The following CDKAL1 variants were observed in gnomAD, a reference collection of about 807,000 sequenced individuals.
CDKAL1 encodes the protein CDKAL1 threonylcarbamoyladenosine tRNA methylthiotransferase.
In CDKAL1, 32 loss-of-function variants were observed where a neutral mutation model predicts 68.2. That is an observed-to-expected ratio of 0.47 (90% CI 0.35 to 0.63). CDKAL1 has a LOEUF of 0.63. Among genes scored for constraint, CDKAL1 ranks in the 30% least tolerant of loss-of-function variants. The probability of loss-of-function intolerance (pLI) is 0.00; values close to 1 mark genes in which losing one functional copy is unlikely to be tolerated. For synonymous variants in CDKAL1, 234 were observed against 244.3 expected (o/e 0.96, Z 0.39); for missense variants, 606 against 696.7 (o/e 0.87, Z 1.47).
intron 13 of CDKAL1, among the ~76,000 whole-genome samples, chr6:21,175,750 A>G (rs1777549846): frequency 6.6e-6 from 1 of 152,202 alleles, no homozygotes; most frequent in Non-Finnish European, 1.5e-5. Flanking sequence ...TTTGACTTTT[A>G]TCTCCTAAAG....
intron 12 of CDKAL1, among the ~76,000 whole-genome samples, chr6:21,067,472 C>T (rs188063652): frequency 5.3e-5 from 8 of 152,032 alleles, no homozygotes; most frequent in South Asian, 4.2e-4. Flanking sequence ...ATTAGCCGGG[C>T]GTGGTGGTGG....
intron 8 of CDKAL1, among the ~76,000 whole-genome samples, chr6:20,819,868 A>T (rs1777202722): frequency 1.3e-5 from 2 of 152,134 alleles, no homozygotes; most frequent in African/African-American, 4.8e-5. Context: ...ATATTTAAGA[A>T]ATACATTGTG....
At chr6:21,069,220 C>T (rs1173996425) in intron 12 of CDKAL1, among the ~76,000 whole-genome samples, 6 of 152,124 alleles carry the variant, frequency 3.9e-5, no homozygotes, top group African/African-American at 1.4e-4. Context: ...AATTGGGCAT[C>T]TTTCTCTTCT....
chr6:20,645,679 C>G (rs889287687), intron 4 of CDKAL1, among the ~76,000 whole-genome samples: 4 of 151,236 alleles, frequency 2.6e-5, no homozygotes, highest in African/African-American at 9.7e-5. Flanking sequence ...TGCAGTGAGC[C>G]GAGATTGCGC....
chr6:20,722,370 C>T lies in CDKAL1; in HGVS notation c.372-17149C>T, dbSNP rs187327445. On this transcript the variant is annotated intron_variant, in intron 5 of 15. Coordinates refer to ENST00000274695, the MANE Select transcript of CDKAL1 (RefSeq NM_017774.3). ...GGCTCTTTCTCTTCTTTTCTCCTCC[C>T]GGTTCAAAATGCTTGCTTCTCTTAA... 2.1e-4 allele frequency: 46 copies of T among 217,418 alleles called. No homozygotes were observed. The East Asian group carries it at 3.4e-3, about 16-fold the overall frequency. 13.5% of individuals were successfully genotyped at this position (217,418 alleles called of 1,614,324 possible).
At chr6:20,768,244 C>T (rs6926436) in intron 7 of CDKAL1, among the ~76,000 whole-genome samples, 67,433 of 151,494 alleles carry the variant, frequency 0.45, 15,147 homozygotes, top group South Asian at 0.5. Context: ...TCTTTAACAG[C>T]CCATACAACC....
intron 13 of CDKAL1, among the ~76,000 whole-genome samples, chr6:21,185,318 A>G (rs1777965545): frequency 6.6e-6 from 1 of 152,146 alleles, no homozygotes; most frequent in African/African-American, 2.4e-5. Context: ...TTTGGACTAA[A>G]TAACTGTGTC....
chr6:20,792,551 C>T (rs571013899), intron 8 of CDKAL1, among the ~76,000 whole-genome samples: 40 of 152,204 alleles, frequency 2.6e-4, no homozygotes, highest in African/African-American at 3.6e-4. Context: ...ATTTTTAGTC[C>T]GTTCTCCTCC....
intron 7 of CDKAL1, chr6:20,772,943 A>C (rs762851288): frequency 8.5e-5 from 13 of 152,160 alleles, no homozygotes; most frequent in Admixed American, 1.3e-4. Context: ...CTCTCTACTT[A>C]TACTCTGATT....
intron 13 of CDKAL1, among the ~76,000 whole-genome samples, chr6:21,140,923 G>A (rs912785964): frequency 2.6e-5 from 4 of 152,158 alleles, no homozygotes; most frequent in Non-Finnish European, 5.9e-5. Flanking sequence ...GGCGGCGCCA[G>A]GAGAAAATGA....
intron 5 of CDKAL1, among the ~76,000 whole-genome samples, chr6:20,724,476 G>T (rs990581733): frequency 1.3e-5 from 2 of 152,040 alleles, no homozygotes; most frequent in African/African-American, 4.8e-5. Flanking sequence ...CAGCACTTTG[G>T]GAGGCCAAGG....
intron 10 of CDKAL1, among the ~76,000 whole-genome samples, chr6:20,998,007 T>G (rs1420573120): frequency 6.6e-6 from 1 of 152,238 alleles, no homozygotes; most frequent in African/African-American, 2.4e-5. Context: ...AATATTATCC[T>G]TCTCTCCATT....
chr6:21,118,009 G>A (rs1193894689), intron 13 of CDKAL1, among the ~76,000 whole-genome samples: 1 of 152,060 alleles, frequency 6.6e-6, no homozygotes, highest in Non-Finnish European at 1.5e-5. Flanking sequence ...TTTTAACCTG[G>A]GGAACTTGTT....
At chr6:21,117,450 C>T (rs1774473670) in intron 13 of CDKAL1, among the ~76,000 whole-genome samples, 1 of 147,634 alleles carries the variant, frequency 6.8e-6, no homozygotes, top group Non-Finnish European at 1.5e-5. Flanking sequence ...CCACCTTGGG[C>T]AACATGGCAA....
At chr6:20,731,293 A>T (rs7741604) in intron 5 of CDKAL1, among the ~76,000 whole-genome samples, 3 of 152,122 alleles carry the variant, frequency 2.0e-5, no homozygotes, top group Non-Finnish European at 4.4e-5. Flanking sequence ...TTGAGACCAA[A>T]GTCTAAGGGA....
chr6:21,101,503 A>C (rs1386920735), intron 12 of CDKAL1, among the ~76,000 whole-genome samples: 1 of 152,134 alleles, frequency 6.6e-6, no homozygotes, highest in Non-Finnish European at 1.5e-5. Flanking sequence ...CCAAACAGCT[A>C]TTGTTTGCTA....
chr6:20,653,228 G>C (rs1768855311), intron 5 of CDKAL1, among the ~76,000 whole-genome samples: 2 of 152,134 alleles, frequency 1.3e-5, no homozygotes, highest in African/African-American at 4.8e-5. Context: ...TCTAGAATAT[G>C]AACCTGGGAG....
At chr6:21,047,718 T>TCAGGA (rs1343608480) in intron 11 of CDKAL1, among the ~76,000 whole-genome samples, 1 of 152,082 alleles carries the variant, frequency 6.6e-6, no homozygotes, top group African/African-American at 2.4e-5. Flanking sequence ...GTAAAAAATG[T>TCAGGA]CAGGAAGATC....
At chr6:21,134,565 C>T (rs755767222) in intron 13 of CDKAL1, among the ~76,000 whole-genome samples, 2 of 152,072 alleles carry the variant, frequency 1.3e-5, no homozygotes, top group African/African-American at 2.4e-5. Context: ...TTAATGCTTG[C>T]GTGCTGCGGA....
Sources: gnomAD v4.1 joint callset for allele counts (sites outside exome capture counted in the v4.1 genomes callset) on GRCh38, gnomAD v4.1.1 for gene constraint, MANE v1.5 for transcripts, NCBI Gene and HGNC (gene_info 2026-07-23, HGNC 2026-07-21) for gene names.